SYNPO: variants seen among roughly 807,000 people sequenced by gnomAD.
SYNPO encodes synaptopodin.
A neutral mutation model predicts 49.5 loss-of-function variants in SYNPO; 19 were observed. The ratio of observed to expected loss-of-function variants is 0.38; its 90% CI spans 0.27 to 0.56. The LOEUF (loss-of-function observed/expected upper bound fraction) is 0.56, where lower values mean the gene tolerates loss of function less well. Ranked by LOEUF, SYNPO falls within the 20% of genes least tolerant of loss-of-function variation. The pLI, the probability that SYNPO is intolerant of heterozygous loss-of-function variation, is 0.68. For synonymous variants in SYNPO, 536 were observed against 548.0 expected, an observed-to-expected ratio of 0.98 and a Z score of 0.31; for missense variants, 1,131 against 1,248.3, an observed-to-expected ratio of 0.91 and a Z score of 1.42.
intron 2 of SYNPO, among the ~76,000 whole-genome samples, chr5:150,625,620 C>A (rs1195830176): frequency 6.6e-6 from 1 of 152,186 alleles, no homozygotes; most frequent in African/African-American, 2.4e-5. Context: ...GAGAGAGGCC[C>A]CAGAGGTGAA....
chr5:150,625,004 G>A, intron 2 of SYNPO: 1 of 976,888 alleles, frequency 1.0e-6, no homozygotes. Context: ...GGAGGAGGTG[G>A]CACATCTGGG....
At chr5:150,635,406 G>C (rs1757682589) in intron 2 of SYNPO, among the ~76,000 whole-genome samples, 1 of 152,258 alleles carries the variant, frequency 6.6e-6, no homozygotes, top group Admixed American at 6.5e-5. Context: ...GTATGTGTGT[G>C]TGTATGGAAA....
intron 1 of SYNPO, among the ~76,000 whole-genome samples, chr5:150,644,326 C>G (rs1464555432): frequency 1.3e-5 from 2 of 152,116 alleles, no homozygotes; most frequent in East Asian, 3.9e-4. Context: ...TTTGAAGATG[C>G]AAGAATTGTG....
chr5:150,603,991 T>A (rs938168615), intron 1 of SYNPO, among the ~76,000 whole-genome samples: 4 of 152,328 alleles, frequency 2.6e-5, no homozygotes, highest in Admixed American at 6.5e-5. Flanking sequence ...GATGGGCATA[T>A]GGAGTCATCC....
chr5:150,603,718 G>A (rs754425985), intron 1 of SYNPO, among the ~76,000 whole-genome samples: 32 of 152,316 alleles, frequency 2.1e-4, no homozygotes, highest in Admixed American at 4.6e-4. Flanking sequence ...TGGTGAGGCA[G>A]AGATGCAGAG....
chr5:150,598,698 C>G (rs1426303811), upstream of SYNPO, among the ~76,000 whole-genome samples: 5 of 152,188 alleles, frequency 3.3e-5, no homozygotes, highest in African/African-American at 1.2e-4. Flanking sequence ...CTACGAAACC[C>G]CCTTTCTAAA....
At chr5:150,639,736 T>C (rs913098115), upstream of SYNPO, among the ~76,000 whole-genome samples, 2 of 152,234 alleles carry the variant, frequency 1.3e-5, no homozygotes, top group African/African-American at 4.8e-5. Context: ...GCTCCCAAAA[T>C]GTTGGCTCTT....
At chr5:150,611,582 G>C (rs1756848468) in intron 1 of SYNPO, among the ~76,000 whole-genome samples, 1 of 152,162 alleles carries the variant, frequency 6.6e-6, no homozygotes, top group Non-Finnish European at 1.5e-5. Context: ...ATCCAACACT[G>C]GTCCCTTCTG....
chr5:150,643,608 C>T (rs757171823), intron 1 of SYNPO, among the ~76,000 whole-genome samples: 6 of 152,142 alleles, frequency 3.9e-5, no homozygotes, highest in South Asian at 2.1e-4. Flanking sequence ...GATCTCGGCT[C>T]ACCGCAACCT....
upstream of SYNPO, among the ~76,000 whole-genome samples, chr5:150,600,408 C>T (rs546459650): frequency 1.1e-4 from 16 of 152,354 alleles, no homozygotes; most frequent in African/African-American, 2.2e-4. Flanking sequence ...CCCAGCCCAT[C>T]CCCCAGGCAG....
the SYNPO span, among the ~76,000 whole-genome samples, chr5:150,590,557 G>A: frequency 4.6e-5 from 7 of 152,202 alleles, no homozygotes; most frequent in Admixed American, 2.0e-4. Flanking sequence ...TCCACCTCAC[G>A]TCCTAGAAGT....
chr5:150,635,709 C>T (rs567571124), upstream of SYNPO, among the ~76,000 whole-genome samples: 6 of 152,250 alleles, frequency 3.9e-5, no homozygotes, highest in East Asian at 1.9e-4. Flanking sequence ...GTGATCTGCC[C>T]GCCTCGGCCT....
chr5:150,603,089 G>A (rs371994759), intron 1 of SYNPO, among the ~76,000 whole-genome samples: 3 of 151,822 alleles, frequency 2.0e-5, no homozygotes, highest in Admixed American at 6.6e-5. Context: ...GATGGAATGC[G>A]CAGAGCTGGG....
intron 2 of SYNPO, among the ~76,000 whole-genome samples, chr5:150,654,682 C>T (rs1758497808): frequency 6.6e-6 from 1 of 152,166 alleles, no homozygotes; most frequent in African/African-American, 2.4e-5. Context: ...GCGTGTGCTG[C>T]CTAGGGAGGA....
chr5:150,651,518 T>G (rs1027161472), intron 2 of SYNPO: 4 of 1,001,210 alleles, frequency 4.0e-6, no homozygotes, highest in Non-Finnish European at 3.6e-6. Context: ...CAGGTGGCGT[T>G]AGATGGCTGT....
At chr5:150,624,433 C>T (rs1328042573) in intron 2 of SYNPO, among the ~76,000 whole-genome samples, 1 of 152,114 alleles carries the variant, frequency 6.6e-6, no homozygotes, top group Non-Finnish European at 1.5e-5. Flanking sequence ...TCCCTCCTAG[C>T]CGAAGGAGAT....
At chr5:150,588,667 G>C in the SYNPO span, among the ~76,000 whole-genome samples, 4 of 152,126 alleles carry the variant, frequency 2.6e-5, no homozygotes, top group South Asian at 8.3e-4. Context: ...GTGCAGGAAG[G>C]GGGCAGGGGA....
At chr5:150,607,641 C>G (rs1756730530) in intron 1 of SYNPO, among the ~76,000 whole-genome samples, 1 of 152,208 alleles carries the variant, frequency 6.6e-6, no homozygotes, top group Admixed American at 6.5e-5. Flanking sequence ...GGTCTCACAG[C>G]TGGTACGTGG....
At chr5:150,644,353 T>TGACAGCCACCTCTGA (rs1266283123) in intron 1 of SYNPO, among the ~76,000 whole-genome samples, 3 of 152,184 alleles carry the variant, frequency 2.0e-5, no homozygotes, top group Non-Finnish European at 2.9e-5. Context: ...TTGGACTTGG[T>TGACAGCCACCTCTGA]GACAGCCACC....
Sources: gnomAD v4.1 joint callset for allele counts (sites outside exome capture counted in the v4.1 genomes callset) on GRCh38, gnomAD v4.1.1 for gene constraint, MANE v1.5 for transcripts, NCBI Gene and HGNC (gene_info 2026-07-23, HGNC 2026-07-21) for gene names.